Variants in HTR3C observed in about 807,000 individuals in gnomAD.
HTR3C encodes the protein 5-hydroxytryptamine receptor 3C.
A neutral mutation model predicts 40.5 loss-of-function variants in HTR3C; 32 were observed. The observed-to-expected ratio is 0.79, with a 90% CI of 0.60 to 1.06. The LOEUF (loss-of-function observed/expected upper bound fraction) is 1.06, where lower values mean the gene tolerates loss of function less well. Ranked by LOEUF, HTR3C falls within the 50% of genes least tolerant of loss-of-function variation. The pLI is 0.00. For missense variants in HTR3C, 523 were observed against 556.8 expected (o/e 0.94, Z 0.61); for synonymous variants, 209 against 217.1 (o/e 0.96, Z 0.33).
chr3:184,057,300 A>AC lies in HTR3C; in HGVS notation c.559+257dup, dbSNP rs1242555574. 3.9e-5 allele frequency among the ~76,000 whole-genome samples: 6 copies of AC among 152,076 alleles called. No individual in the cohort carries two copies. In the East Asian group the frequency reaches 1.2e-3, roughly 29 times the overall value. ...GCAACATAGTGAGACCCCCATCTCT[A>AC]CAAAATATAAAAAGAATTAGCCCCA... is the stretch of plus-strand genomic sequence containing the variant. On this transcript the variant is annotated intron_variant, in intron 5 of 8. Coordinates refer to ENST00000318351, the MANE Select transcript of HTR3C (RefSeq NM_130770.3).
Position 184,056,234 on chromosome 3 carries a change from C to A in HTR3C, c.337C>A (p.Leu113Ile), listed in dbSNP as rs747103680. The A allele has an allele frequency of 6.2e-6, 10 of 1,613,830 alleles. No homozygotes were observed. The East Asian group carries it at 2.0e-4, about 32-fold the overall frequency. The change falls in exon 4 of 9, where the codon CTC becomes ATC. Residue 113 changes from leucine (L) to isoleucine (I), a missense_variant. Coordinates refer to ENST00000318351, the MANE Select transcript of HTR3C (RefSeq NM_130770.3). ...AAAAGAGTGTGTTGGCATCAATAAA[C>A]TCACAGTATTAGCTGAAAACCTGTG... ...NPKECVGINKLTVLAENLWLP... is the reference protein window; with the variant it reads ...NPKECVGINKITVLAENLWLP...
At chr3:184,055,980 C>T (rs1723316119) in intron 3 of HTR3C, among the ~76,000 whole-genome samples, 197 bp from the exon 4 acceptor site, 1 of 138,678 alleles carries the variant, frequency 7.2e-6, no homozygotes, top group Non-Finnish European at 1.5e-5. Flanking sequence ...TATTTAATAT[C>T]TGCCTGCCAA....
intron 5 of HTR3C, 76 bp downstream of exon 5, chr3:184,057,120 G>T: frequency 8.4e-7 from 1 of 1,193,030 alleles, no homozygotes; most frequent in Middle Eastern, 2.0e-4. Context: ...ATTAGAAAAG[G>T]TTTTGGATCA....
intron 2 of HTR3C, 33 bp from the exon 3 acceptor site, chr3:184,055,279 A>G (rs772186956): frequency 2.0e-6 from 3 of 1,523,264 alleles, no homozygotes; most frequent in South Asian, 2.2e-5. Flanking sequence ...ACCTTTTAAC[A>G]CTAATAATCC....
intron 1 of HTR3C, 85 bp from the exon 2 acceptor site, chr3:184,054,636 G>C (rs371071596): frequency 8.2e-7 from 1 of 1,222,468 alleles, no homozygotes; most frequent in East Asian, 2.6e-5. Context: ...GCTCCTCTCA[G>C]TACGTCCCCT....
At chr3:184,058,321 G>T in intron 5 of HTR3C, 106 bp from the exon 6 acceptor site, 1 of 1,191,252 alleles carries the variant, frequency 8.4e-7, no homozygotes, top group Non-Finnish European at 1.1e-6. Context: ...TGCTTTAAAA[G>T]GATAGAGGAA....
chr3:184,056,776 A>G, intron 4 of HTR3C, 99 bp from the exon 5 acceptor site: 3 of 1,058,276 alleles, frequency 2.8e-6, no homozygotes, highest in Non-Finnish European at 4.0e-6. Flanking sequence ...AAATAGAAAG[A>G]GAAAGAGCCC....
chr3:184,054,322 G>T (rs1723280510), intron 1 of HTR3C, among the ~76,000 whole-genome samples: 1 of 152,170 alleles, frequency 6.6e-6, no homozygotes, highest in Non-Finnish European at 1.5e-5. Context: ...GTTAGAGAGA[G>T]AAATACATTA....
At chr3:184,055,456 G>A in intron 3 of HTR3C, 100 bp downstream of exon 3, 2 of 900,426 alleles carry the variant, frequency 2.2e-6, no homozygotes, top group East Asian at 2.5e-5. Flanking sequence ...GCTCACGCCT[G>A]TAATCCCAGC....
chr3:184,054,991 AC>A (rs1723295778), intron 2 of HTR3C, 104 bp downstream of exon 2: 1 of 1,154,610 alleles, frequency 8.7e-7, no homozygotes, highest in Non-Finnish European at 1.2e-6. Context: ...AACAATAGGC[AC>A]CCTGGATGGA....
chr3:184,053,908 C>A (rs868712876), intron 1 of HTR3C, among the ~76,000 whole-genome samples: 9 of 152,206 alleles, frequency 5.9e-5, no homozygotes, highest in African/African-American at 1.9e-4. Context: ...GCGAGCGCCA[C>A]TATGCCCAGC....
chr3:184,058,879 T>C (rs557591264), intron 6 of HTR3C, among the ~76,000 whole-genome samples: 1 of 152,168 alleles, frequency 6.6e-6, no homozygotes, highest in East Asian at 1.9e-4. Flanking sequence ...GACAGGAGAA[T>C]CACTTGAACC....
chr3:184,056,274 T>C lies in HTR3C; in HGVS notation c.377T>C (p.Phe126Ser), dbSNP rs1185812328. ...LAENLWLPDI[F>S]IVESMDVDQT... ...GAAAACCTGTGGCTCCCAGACATCT[T>C]CATCGTGGAATCGTGCGTATGCAGG... The change falls in exon 4 of 9, where the codon TTC (phenylalanine) becomes TCC (serine). Residue 126 changes from phenylalanine to serine, a missense_variant. Phe to Ser is a radical substitution (Grantham distance 155). Transcript: ENST00000318351. 3 of 1,611,418 alleles carry C rather than the reference T, an allele frequency of 1.9e-6. No individual in the cohort carries two copies. Among genetic ancestry groups the C allele is most frequent in the Non-Finnish European group, 2.5e-6 (3 of 1,177,502 alleles).
rs1466498126 is a variant in HTR3C, at chr3:184,060,279, C to T, written c.1271C>T (p.Thr424Ile). The change falls in exon 9 of 9, where the codon ACC becomes ATC. Residue 424 changes from threonine to isoleucine, a missense_variant. Physicochemically the swap from Thr to Ile is moderately conservative, Grantham distance 89. Transcript: ENST00000318351. ...LWVQFSHAMD[T>I]LLFRLYLLFM... ...GTGCAGTTCAGCCACGCGATGGACA[C>T]CCTGCTCTTCCGCCTCTACCTGCTC... 1 of 1,614,146 alleles carries T rather than the reference C, an allele frequency of 6.2e-7. No individual in the cohort carries two copies. Among genetic ancestry groups the T allele is most frequent in the Admixed American group, 1.7e-5 (1 of 60,010 alleles).
intron 7 of HTR3C, 35 bp from the exon 8 acceptor site, chr3:184,059,793 T>A: frequency 6.2e-7 from 1 of 1,609,008 alleles, no homozygotes; most frequent in Non-Finnish European, 8.5e-7. Flanking sequence ...AGAGATAAAT[T>A]TGCCTGGTTT....
intron 3 of HTR3C, among the ~76,000 whole-genome samples, chr3:184,055,884 C>CAAAAA (rs71185686): frequency 0.027 from 843 of 30,670 alleles, 219 homozygotes; most frequent in East Asian, 0.046. Context: ...AATAGCAACT[C>CAAAAA]AAAAAAAAAA....
rs1158553563 is a variant in HTR3C, at chr3:184,060,053, G to T, written c.1141+10G>T. On this transcript the variant is annotated intron_variant, in intron 8 of 8. Coordinates refer to ENST00000318351, the MANE Select transcript of HTR3C (RefSeq NM_130770.3). Reference sequence around the variant, plus strand: ...CTCACCCACCTGCCTGGTGAGGGAAGCCAGCACTGTCCATACTCGCCCTTC... The same window carrying T: ...CTCACCCACCTGCCTGGTGAGGGAATCCAGCACTGTCCATACTCGCCCTTC... 6.2e-7 allele frequency: 1 copy of T among 1,611,748 alleles called. No individual in the cohort carries two copies. The highest frequency in any genetic ancestry group is 1.3e-5 in the African/African-American group (1 of 74,952).
At position 184,056,870 on chromosome 3, in the gene HTR3C, A is replaced by G. The variant is rs1486191317; in HGVS notation, c.390-5A>G. 2.1e-5 allele frequency: 33 copies of G among 1,591,560 alleles called. No homozygotes were observed. Among genetic ancestry groups the G allele is most frequent in the Non-Finnish European group, 2.8e-5 (33 of 1,164,476 alleles). On this transcript the variant is annotated splice_region_variant and splice_polypyrimidine_tract_variant and intron_variant, in intron 4 of 8. Transcript: ENST00000318351. Reference sequence around the variant, plus strand: ...CTCCATCTCTTCCCTCCCTTCCCCAAACAGCATGGATGTGGATCAGACGCC... The same window carrying G: ...CTCCATCTCTTCCCTCCCTTCCCCAGACAGCATGGATGTGGATCAGACGCC...
rs76183574 is a variant in HTR3C, at chr3:184,060,216, G to T, written c.1208G>T (p.Gly403Val). ...LGPRETEPDG[G>V]SGWTKTQLME... ...CCCAGAGAGACCGAGCCAGATGGGG[G>T]CTCAGGATGGACAAAGACCCAGCTA... The change falls in exon 9 of 9, where the codon GGC (glycine) becomes GTC (valine). Residue 403 changes from glycine to valine, a missense_variant. Coordinates refer to ENST00000318351, the MANE Select transcript of HTR3C (RefSeq NM_130770.3). 1,016 of 1,614,124 alleles carry T rather than the reference G, an allele frequency of 6.3e-4. 2 individuals are homozygous for T. The African/African-American group carries it at 0.012, about 19-fold the overall frequency.
Sources: gnomAD v4.1 joint callset for allele counts (sites outside exome capture counted in the v4.1 genomes callset) on GRCh38, gnomAD v4.1.1 for gene constraint, MANE v1.5 for transcripts, NCBI Gene and HGNC (gene_info 2026-07-23, HGNC 2026-07-21) for gene names.